DPYSL3: variants seen among roughly 807,000 people sequenced by gnomAD.
DPYSL3 encodes the protein dihydropyrimidinase-related protein 3.
DPYSL3 carries 16 observed loss-of-function variants against 66.1 expected under a neutral mutation model. The observed-to-expected ratio is 0.24, with a 90% confidence interval of 0.16 to 0.37. The LOEUF (loss-of-function observed/expected upper bound fraction) is 0.37. Ranked by LOEUF, DPYSL3 falls within the 10% of genes least tolerant of loss-of-function variation. The pLI, the probability that DPYSL3 is intolerant of heterozygous loss-of-function variation, is 1.00. For synonymous variants in DPYSL3, 338 were observed against 345.1 expected (o/e 0.98, Z 0.23); for missense variants, 738 against 916.2 (o/e 0.81, Z 2.51).
chr5:147,399,365 C>T, intron 10 of DPYSL3, 113 bp from the exon 11 acceptor site: 1 of 1,270,808 alleles, frequency 7.9e-7, no homozygotes, highest in Non-Finnish European at 1.1e-6. Context: ...AAAAAGGAGC[C>T]ACCTGAAAAG....
At chr5:147,465,486 G>A (rs1752997013) in intron 1 of DPYSL3, among the ~76,000 whole-genome samples, 1 of 152,148 alleles carries the variant, frequency 6.6e-6, no homozygotes, top group African/African-American at 2.4e-5. Flanking sequence ...TTTTAGTAGA[G>A]ACTGGGTTTC....
At chr5:147,426,988 G>T (rs1435612338) in intron 1 of DPYSL3, among the ~76,000 whole-genome samples, 1 of 152,122 alleles carries the variant, frequency 6.6e-6, no homozygotes, top group African/African-American at 2.4e-5. Flanking sequence ...CTCATGATCT[G>T]GTCTGTTAAT....
intron 11 of DPYSL3, among the ~76,000 whole-genome samples, chr5:147,398,144 A>G (rs917136377): frequency 1.3e-5 from 2 of 152,212 alleles, no homozygotes; most frequent in African/African-American, 2.4e-5. Flanking sequence ...GATGCTGTAC[A>G]TCACTGTCTT....
At chr5:147,405,487 C>T (rs570884998) in intron 8 of DPYSL3, 123 bp downstream of exon 8, 50 of 1,332,822 alleles carry the variant, frequency 3.8e-5, no homozygotes, top group African/African-American at 3.1e-4. Flanking sequence ...ATGTGGAGAG[C>T]GGCTTCCTAG....
chr5:147,506,877 G>T (rs749034577), intron 1 of DPYSL3, among the ~76,000 whole-genome samples: 1 of 152,156 alleles, frequency 6.6e-6, no homozygotes. Flanking sequence ...AGAGCTATTT[G>T]CCAAATATTT....
At chr5:147,455,048 T>C (rs560313258) in intron 1 of DPYSL3, among the ~76,000 whole-genome samples, 1 of 152,358 alleles carries the variant, frequency 6.6e-6, no homozygotes, top group South Asian at 2.1e-4. Flanking sequence ...AGAAATCCTG[T>C]ATGTCACTAA....
At chr5:147,475,155 T>C (rs1753139175) in intron 1 of DPYSL3, among the ~76,000 whole-genome samples, 1 of 152,066 alleles carries the variant, frequency 6.6e-6, no homozygotes, top group African/African-American at 2.4e-5. Context: ...AGGGGAATGT[T>C]CATAGCAGGT....
chr5:147,456,290 A>G (rs1752851197), intron 1 of DPYSL3, among the ~76,000 whole-genome samples: 1 of 152,214 alleles, frequency 6.6e-6, no homozygotes, highest in Non-Finnish European at 1.5e-5. Flanking sequence ...GATGTTTTCC[A>G]CAGTAGAATG....
chr5:147,447,393 CA>C (rs1330999485), intron 1 of DPYSL3, among the ~76,000 whole-genome samples: 1 of 152,248 alleles, frequency 6.6e-6, no homozygotes, highest in South Asian at 2.1e-4. Context: ...TTGAAATAGG[CA>C]TATGTTGATG....
chr5:147,435,151 T>A (rs1216785086), intron 1 of DPYSL3, among the ~76,000 whole-genome samples: 1 of 152,092 alleles, frequency 6.6e-6, no homozygotes, highest in Non-Finnish European at 1.5e-5. Context: ...AGAAAAATCT[T>A]TTGTCTGGCA....
intron 1 of DPYSL3, among the ~76,000 whole-genome samples, chr5:147,430,306 G>A (rs989882343): frequency 6.6e-6 from 1 of 151,902 alleles, no homozygotes; most frequent in Non-Finnish European, 1.5e-5. Flanking sequence ...GAGCAGCCTG[G>A]CCAACATGGT....
At chr5:147,409,508 T>C (rs1322442886) in intron 6 of DPYSL3, among the ~76,000 whole-genome samples, 1 of 152,244 alleles carries the variant, frequency 6.6e-6, no homozygotes, top group Non-Finnish European at 1.5e-5. Flanking sequence ...CCTAAGTTAG[T>C]GTCTTGGTGA....
chr5:147,440,834 G>C (rs1032076887), intron 1 of DPYSL3, among the ~76,000 whole-genome samples: 4 of 152,164 alleles, frequency 2.6e-5, no homozygotes, highest in African/African-American at 9.7e-5. Context: ...CTTCTTAAAA[G>C]GAGATAGAAC....
At chr5:147,467,939 C>T (rs973071589) in intron 1 of DPYSL3, among the ~76,000 whole-genome samples, 6 of 152,126 alleles carry the variant, frequency 3.9e-5, no homozygotes, top group Admixed American at 3.3e-4. Context: ...AAGACAGCTC[C>T]CTTGAACTTC....
In DPYSL3 at chr5:147,392,639, G is replaced by A. The variant is rs1275404076; in HGVS notation, c.*1396C>T. On this transcript the variant is annotated 3_prime_UTR_variant, in exon 14 of 14. Transcript: ENST00000343218. ...TGAATTTTCAGAAGCAGCATGATAG[G>A]GAAAGAGATATTCAACTCTGACAGA... 2 of 152,228 alleles carry A rather than the reference G, an allele frequency of 1.3e-5. No individual in the cohort carries two copies. Among genetic ancestry groups the A allele is most frequent in the Non-Finnish European group, 2.9e-5 (2 of 68,044 alleles). The allele number at this position is 152,228 out of a possible 1,614,324, so 9.4% of individuals were successfully genotyped here.
At position 147,430,989 on chromosome 5, in the gene DPYSL3, TA is replaced by T. The variant is rs553812558; in HGVS notation, c.382-6027del. ...AAATCAAATATTTTGTTACCTGCATTAACAAAGCACAGACTGTGACCTTCTC... is the reference window on the plus strand; with the variant it reads ...AAATCAAATATTTTGTTACCTGCATTACAAAGCACAGACTGTGACCTTCTC... On this transcript the variant is annotated intron_variant, in intron 1 of 13. Coordinates refer to ENST00000343218, the MANE Select transcript of DPYSL3 (RefSeq NM_001197294.2). Among the ~76,000 whole-genome samples, 215 of 152,308 alleles carry T rather than the reference TA, an allele frequency of 1.4e-3. 1 individual carries two copies. The highest frequency in any genetic ancestry group is 2.7e-3 in the Non-Finnish European group (186 of 68,018).
intron 8 of DPYSL3, chr5:147,401,963 G>T: frequency 2.9e-6 from 1 of 339,134 alleles, no homozygotes; most frequent in South Asian, 5.3e-5. Context: ...AAAATTTGAG[G>T]CAAAAGAAAA....
At chr5:147,472,489 G>A (rs1445664417) in intron 1 of DPYSL3, 1 of 152,086 alleles carries the variant, frequency 6.6e-6, no homozygotes, top group Non-Finnish European at 1.5e-5. Flanking sequence ...CAACCTCTTT[G>A]GGTTGATGAT....
chr5:147,424,795 C>G, intron 2 of DPYSL3, 80 bp downstream of exon 2: 1 of 1,108,456 alleles, frequency 9.0e-7, no homozygotes, highest in African/African-American at 1.6e-5. Flanking sequence ...TCACTACATT[C>G]ATGTAATCCA....
Sources: allele counts gnomAD v4.1 joint callset (sites outside exome capture counted in the v4.1 genomes callset), GRCh38; gene constraint gnomAD v4.1.1; transcripts MANE v1.5; gene names NCBI Gene and HGNC (gene_info 2026-07-23, HGNC 2026-07-21).